Variants in NCALD observed in about 807,000 individuals in gnomAD.
NCALD encodes neurocalcin delta.
In NCALD, 10 loss-of-function variants were observed where a neutral mutation model predicts 18.6. The observed-to-expected ratio is 0.54, with a 90% CI of 0.33 to 0.91. The LOEUF is 0.91. NCALD is among the 40% of genes least tolerant of loss of function. The probability of loss-of-function intolerance (pLI) is 0.03; values close to 1 mark genes in which losing one functional copy is unlikely to be tolerated. For synonymous variants in NCALD, 88 were observed against 87.4 expected (o/e 1.01, Z -0.04); for missense variants, 184 against 247.6 (o/e 0.74, Z 1.72).
At chr8:102,017,462 C>T (rs1822125413) in intron 2 of NCALD, among the ~76,000 whole-genome samples, 3 of 152,150 alleles carry the variant, frequency 2.0e-5, no homozygotes, top group African/African-American at 7.2e-5. Context: ...GCCTATAATA[C>T]CAGCACTTTG....
intron 1 of NCALD, among the ~76,000 whole-genome samples, chr8:102,031,375 C>T (rs1379779511): frequency 6.6e-6 from 1 of 152,158 alleles, no homozygotes; most frequent in Non-Finnish European, 1.5e-5. Flanking sequence ...AGATGCATAG[C>T]TGGGCAACTG....
At chr8:101,979,662 T>C (rs1820545329) in intron 2 of NCALD, among the ~76,000 whole-genome samples, 1 of 152,240 alleles carries the variant, frequency 6.6e-6, no homozygotes, top group South Asian at 2.1e-4. Context: ...TCTCTTCTTC[T>C]TCCTGGAATT....
intron 2 of NCALD, among the ~76,000 whole-genome samples, chr8:102,002,047 G>C (rs371813529): frequency 0.052 from 7,908 of 152,168 alleles, 321 homozygotes; most frequent in Admixed American, 0.098. Context: ...AAATGTAAAT[G>C]GGCTAAATGC....
chr8:101,993,320 C>T (rs1169239716), intron 2 of NCALD, among the ~76,000 whole-genome samples: 1 of 151,936 alleles, frequency 6.6e-6, no homozygotes, highest in Non-Finnish European at 1.5e-5. Context: ...CTTGCTGTGC[C>T]CACAGCGCCT....
chr8:102,012,342 A>G (rs1295612601), intron 2 of NCALD, among the ~76,000 whole-genome samples: 1 of 152,264 alleles, frequency 6.6e-6, no homozygotes, highest in African/African-American at 2.4e-5. Context: ...AAGAAAAACC[A>G]AAATAGCCAC....
At chr8:101,799,503 C>T (rs980546764) in intron 4 of NCALD, among the ~76,000 whole-genome samples, 2 of 152,066 alleles carry the variant, frequency 1.3e-5, no homozygotes, top group African/African-American at 4.8e-5. Context: ...TTGTGACAGC[C>T]GAGAACTGGG....
At chr8:102,117,940 C>T (rs118172986) in intron 1 of NCALD, among the ~76,000 whole-genome samples, 56 of 152,314 alleles carry the variant, frequency 3.7e-4, no homozygotes, top group Non-Finnish European at 7.6e-4. Context: ...GATTATTTGT[C>T]AGTCTTCAGA....
chr8:101,745,307 C>A (rs1810383090), intron 1 of NCALD, among the ~76,000 whole-genome samples: 1 of 152,118 alleles, frequency 6.6e-6, no homozygotes, highest in Non-Finnish European at 1.5e-5. Flanking sequence ...AGCCATCACG[C>A]CCTGGTGAGC....
chr8:102,105,671 T>C (rs1406024563), intron 1 of NCALD, among the ~76,000 whole-genome samples: 3 of 152,178 alleles, frequency 2.0e-5, no homozygotes, highest in African/African-American at 7.2e-5. Flanking sequence ...AATGGCTCCA[T>C]TCCCGATTTT....
intron 4 of NCALD, among the ~76,000 whole-genome samples, chr8:101,841,351 A>T (rs571705524): frequency 2.0e-5 from 3 of 152,278 alleles, no homozygotes. Context: ...CTGTCCTCCT[A>T]ATAGCCACCC....
At chr8:102,062,377 T>A (rs962811885) in intron 1 of NCALD, among the ~76,000 whole-genome samples, 5 of 152,288 alleles carry the variant, frequency 3.3e-5, no homozygotes, top group Middle Eastern at 3.4e-3. Flanking sequence ...TTTCATCAGA[T>A]AAATAGTCAA....
rs561565834 is a variant in NCALD, at chr8:102,050,801, T to C, written c.-209-30512A>G. ...TAATTTAATTAACTAATTTTTAATTTAATTAATTTAATCATTTTTAATTTA... is the reference window on the plus strand; with the variant it reads ...TAATTTAATTAACTAATTTTTAATTCAATTAATTTAATCATTTTTAATTTA... On this transcript the variant is annotated intron_variant, in intron 1 of 6. Coordinates refer to the NCALD transcript ENST00000311028. 9.6e-5 allele frequency among the ~76,000 whole-genome samples: 14 copies of C among 145,330 alleles called. No individual in the cohort carries two copies. The East Asian group carries it at 2.4e-3, about 25-fold the overall frequency.
rs56308825 is a variant in NCALD at position 101,881,526 on chromosome 8, G to T, written c.-20+5615C>A. On this transcript the variant is annotated intron_variant, in intron 4 of 6. Transcript: ENST00000311028. The stretch of plus-strand genomic sequence containing the variant: ...TTATTCTCAGCTTCCTATAAAACTA[G>T]AATTGATTTCATTAAATGTGCCTCA... 9.9e-3 allele frequency among the ~76,000 whole-genome samples: 1,504 copies of T among 152,202 alleles called. 38 individuals are homozygous for T. Among genetic ancestry groups the T allele is most frequent in the African/African-American group, 0.034 (1,413 of 41,516 alleles).
At chr8:101,791,679 A>C (rs757660300), upstream of NCALD, among the ~76,000 whole-genome samples, 1 of 152,168 alleles carries the variant, frequency 6.6e-6, no homozygotes, top group African/African-American at 2.4e-5. Context: ...GGTAAAAATG[A>C]GGACCGAAGG....
intron 1 of NCALD, among the ~76,000 whole-genome samples, chr8:102,038,628 GCATATCCA>G (rs1187530019): frequency 6.6e-6 from 1 of 152,128 alleles, no homozygotes; most frequent in African/African-American, 2.4e-5. Context: ...CATTTCAGTG[GCATATCCA>G]TATTCATTAG....
intron 1 of NCALD, among the ~76,000 whole-genome samples, chr8:102,094,188 A>G (rs1412618733): frequency 6.6e-6 from 1 of 152,234 alleles, no homozygotes; most frequent in East Asian, 1.9e-4. Flanking sequence ...AATATTAGCC[A>G]GAGAGTTTTT....
intron 1 of NCALD, among the ~76,000 whole-genome samples, chr8:101,746,671 C>T (rs191375995): frequency 4.5e-4 from 68 of 151,806 alleles, no homozygotes; most frequent in Admixed American, 1.2e-3. Context: ...AAAACCAGTA[C>T]CCCAAATGAT....
intron 1 of NCALD, among the ~76,000 whole-genome samples, chr8:101,729,204 T>A (rs1219393496): frequency 9.9e-5 from 15 of 152,174 alleles, no homozygotes; most frequent in Admixed American, 6.5e-5. Context: ...CAGTGGGAAT[T>A]TGAAAGAAGA....
chr8:101,885,803 G>A, intron 4 of NCALD, among the ~76,000 whole-genome samples: 1 of 152,218 alleles, frequency 6.6e-6, no homozygotes, highest in East Asian at 1.9e-4. Flanking sequence ...CCAAGGGGAA[G>A]TGTTCTTATG....
Sources: allele counts gnomAD v4.1 joint callset (sites outside exome capture counted in the v4.1 genomes callset), GRCh38; gene constraint gnomAD v4.1.1; transcripts MANE v1.5; gene names NCBI Gene and HGNC (gene_info 2026-07-23, HGNC 2026-07-21).